Variants in EDA observed in about 807,000 individuals in gnomAD.
The protein encoded by EDA is ectodysplasin A, also known as ectodysplasin-A.
EDA carries 2 observed loss-of-function variants against 23.6 expected under a neutral mutation model. That is an observed-to-expected ratio of 0.08 (90% CI 0.03 to 0.27). The LOEUF (loss-of-function observed/expected upper bound fraction) is 0.27, where lower values mean the gene tolerates loss of function less well. Among genes scored for constraint, EDA ranks in the 10% least tolerant of loss-of-function variants. EDA has a pLI of 1.00. For missense variants in EDA, 229 were observed against 324.2 expected (o/e 0.71, Z 2.26); for synonymous variants, 131 against 132.0 (o/e 0.99, Z 0.05).
intron 1 of EDA, among the ~76,000 whole-genome samples, chrX:69,631,529 A>G (rs1431961579): frequency 2.7e-5 from 3 of 110,088 alleles, no homozygotes; most frequent in African/African-American, 9.9e-5. Context: ...AGTATTATGT[A>G]CTGTTTCCAA....
At chrX:69,786,916 G>T (rs978497139) in intron 1 of EDA, among the ~76,000 whole-genome samples, 5 of 104,949 alleles carry the variant, frequency 4.8e-5, no homozygotes, top group African/African-American at 1.7e-4. Flanking sequence ...TTATTAATGT[G>T]TGGGAGTCTA....
chrX:70,023,059 A>G (rs1358715830), intron 2 of EDA, 159 bp from the exon 3 acceptor site: 2 of 337,975 alleles, frequency 5.9e-6, no homozygotes, highest in Non-Finnish European at 1.1e-5. Flanking sequence ...CAGAATGGGG[A>G]GGTTTGATAG....
intron 1 of EDA, among the ~76,000 whole-genome samples, chrX:69,757,266 G>T (rs964465907): frequency 2.7e-5 from 3 of 110,986 alleles, no homozygotes; most frequent in Non-Finnish European, 5.7e-5. Flanking sequence ...GTTAAGCTAT[G>T]TCTCTTTAGT....
At chrX:69,752,258 C>T (rs1357098112) in intron 1 of EDA, among the ~76,000 whole-genome samples, 2 of 111,257 alleles carry the variant, frequency 1.8e-5, no homozygotes, top group Non-Finnish European at 3.8e-5. Flanking sequence ...CCCATCAGTA[C>T]CTAGTTTATT....
At chrX:69,782,706 C>T (rs2014992772) in intron 1 of EDA, among the ~76,000 whole-genome samples, 1 of 111,877 alleles carries the variant, frequency 8.9e-6, no homozygotes, top group Admixed American at 9.5e-5. Context: ...CGTCTGGTAC[C>T]TGGCTTCTCT....
chrX:69,951,122 A>G (rs1014619380), intron 1 of EDA, among the ~76,000 whole-genome samples: 1 of 109,506 alleles, frequency 9.1e-6, no homozygotes. Flanking sequence ...AAAAAAAGAT[A>G]TGAAAGTCTC....
intron 1 of EDA, among the ~76,000 whole-genome samples, chrX:69,640,398 A>ACTTATTTT (rs1569279897): frequency 2.7e-5 from 3 of 110,533 alleles, no homozygotes; most frequent in African/African-American, 9.9e-5. Flanking sequence ...TTAGTTATTT[A>ACTTATTTT]ACTTATTTTT....
intron 1 of EDA, among the ~76,000 whole-genome samples, chrX:69,955,266 CA>C (rs2018983263): frequency 1.8e-5 from 2 of 111,975 alleles, no homozygotes; most frequent in Non-Finnish European, 1.9e-5. Flanking sequence ...TCAAGTGACT[CA>C]AAAATACTAC....
At chrX:69,668,701 C>T (rs751137430) in intron 1 of EDA, among the ~76,000 whole-genome samples, 23 of 110,794 alleles carry the variant, frequency 2.1e-4, no homozygotes, top group Admixed American at 1.5e-3. Flanking sequence ...CTCAGCCTCC[C>T]GAGTAGCTGG....
At chrX:69,877,840 A>G (rs1325939223) in intron 1 of EDA, among the ~76,000 whole-genome samples, 1 of 112,761 alleles carries the variant, frequency 8.9e-6, no homozygotes, top group Admixed American at 9.3e-5. Flanking sequence ...TAATTTTTGT[A>G]TATGGTGCAA....
chrX:69,895,395 T>TACACAC (rs200298403), intron 1 of EDA, among the ~76,000 whole-genome samples: 12,980 of 85,955 alleles, frequency 0.15, 1,219 homozygotes, highest in Non-Finnish European at 0.22. Flanking sequence ...TTTCTCAACC[T>TACACAC]ACACACACAC....
intron 1 of EDA, among the ~76,000 whole-genome samples, chrX:69,697,143 G>A (rs1195513644): frequency 1.8e-5 from 2 of 111,803 alleles, no homozygotes; most frequent in Non-Finnish European, 1.9e-5. Context: ...GACGGGCTGA[G>A]ACCTAAAATG....
chrX:69,743,154 G>A (rs954967227), intron 1 of EDA: 1 of 111,161 alleles, frequency 9.0e-6, no homozygotes, highest in African/African-American at 3.3e-5. Flanking sequence ...GTTAATGTTT[G>A]TTAAGTGTTT....
chrX:69,867,548 G>A (rs2017505759), intron 1 of EDA, among the ~76,000 whole-genome samples: 1 of 112,283 alleles, frequency 8.9e-6, no homozygotes, highest in South Asian at 3.7e-4. Flanking sequence ...TTCATGCAAA[G>A]TGCACAACTA....
At chrX:69,932,529 A>G (rs1338842713) in intron 1 of EDA, among the ~76,000 whole-genome samples, 1 of 111,727 alleles carries the variant, frequency 9.0e-6, no homozygotes, top group Non-Finnish European at 1.9e-5. Flanking sequence ...TTCTTGCCAG[A>G]ACGCTTTTTC....
intron 1 of EDA, among the ~76,000 whole-genome samples, chrX:69,724,065 A>G (rs1022496719): frequency 9.6e-4 from 108 of 112,224 alleles, no homozygotes; most frequent in African/African-American, 3.4e-3. Context: ...CACAAGGTCT[A>G]GTATTTTCCT....
At chrX:69,725,684 A>G (rs1298476170) in intron 1 of EDA, among the ~76,000 whole-genome samples, 2 of 112,747 alleles carry the variant, frequency 1.8e-5, no homozygotes, top group Non-Finnish European at 3.7e-5. Context: ...GAATGAATGA[A>G]TGAACGAACC....
intron 1 of EDA, among the ~76,000 whole-genome samples, chrX:69,808,000 T>A (rs2015854603): frequency 9.0e-6 from 1 of 111,554 alleles, no homozygotes; most frequent in Admixed American, 9.6e-5. Context: ...GCATAAGGAA[T>A]AAATGTGATT....
intron 1 of EDA, among the ~76,000 whole-genome samples, chrX:69,788,407 T>C (rs1307905508): frequency 3.1e-4 from 35 of 111,983 alleles, no homozygotes; most frequent in Admixed American, 7.5e-4. Flanking sequence ...TCTGTTTTTT[T>C]CCCATCTTTG....
Sources: gnomAD v4.1 joint callset for allele counts (sites outside exome capture counted in the v4.1 genomes callset) on GRCh38, gnomAD v4.1.1 for gene constraint, MANE v1.5 for transcripts, NCBI Gene and HGNC (gene_info 2026-07-23, HGNC 2026-07-21) for gene names.